RO60: variants seen among roughly 807,000 people sequenced by gnomAD.
The protein encoded by RO60 is RNA-binding protein RO60.
In RO60, 20 loss-of-function variants were observed where a neutral mutation model predicts 55.3. That is an observed-to-expected ratio of 0.36 (90% CI 0.25 to 0.53). The LOEUF is 0.53. Ranked by LOEUF, RO60 falls within the 20% of genes least tolerant of loss-of-function variation. The pLI is 0.92. For synonymous variants in RO60, 213 were observed against 213.6 expected (o/e 1.00, Z 0.02); for missense variants, 558 against 646.6 (o/e 0.86, Z 1.49).
At chr1:193,071,788 T>C (rs1673525596) in intron 2 of RO60, among the ~76,000 whole-genome samples, 1 of 148,340 alleles carries the variant, frequency 6.7e-6, no homozygotes, top group Admixed American at 6.8e-5. Context: ...ATAATGTTAG[T>C]ATATAGTATA....
At chr1:193,075,295 T>TC (rs1248629179) in intron 2 of RO60, among the ~76,000 whole-genome samples, 1 of 150,906 alleles carries the variant, frequency 6.6e-6, no homozygotes, top group Non-Finnish European at 1.5e-5. Context: ...TTTCCTTTTT[T>TC]TTTTTTTTTT....
In RO60 at chr1:193,069,413, G is replaced by A. The variant is rs374893141; in HGVS notation, c.359G>A (p.Arg120His). Residue 120 changes from arginine (R) to histidine (H), a missense_variant, in exon 2 of 9, where the codon CGC becomes CAC. Arg to His is a conservative substitution (Grantham distance 29, BLOSUM62 0). Coordinates refer to ENST00000400968, the MANE Select transcript of RO60 (RefSeq NM_001173524.2). Reference sequence around the variant, plus strand: ...TTTAAAGCTGTTTCTGAAGTTTGTCGCATTCCTACCCATCTCTTTACTTTT... The same window carrying A: ...TTTAAAGCTGTTTCTGAAGTTTGTCACATTCCTACCCATCTCTTTACTTTT... Reference protein sequence around the residue: ...AAFKAVSEVCRIPTHLFTFIQ... With the variant: ...AAFKAVSEVCHIPTHLFTFIQ... 71 of 1,613,950 alleles carry A rather than the reference G, an allele frequency of 4.4e-5. 1 individual carries two copies. The highest frequency in any genetic ancestry group is 5.4e-5 in the Non-Finnish European group (64 of 1,179,946).
chr1:193,084,847 A>G lies in RO60; in HGVS notation c.*116A>G. On this transcript the variant is annotated 3_prime_UTR_variant, in exon 9 of 9. Transcript: ENST00000400968. The stretch of plus-strand genomic sequence containing the variant: ...AATGATGATGGTATAGTATGTGCAT[A>G]ATGGAAAGTTACCTTACTGAAAAAA... The G allele has an allele frequency of 6.6e-7, 1 of 1,510,720 alleles. No homozygotes were observed. The highest frequency in any genetic ancestry group is 8.8e-7 in the Non-Finnish European group (1 of 1,136,964). The allele number at this position is 1,510,720 out of a possible 1,614,324, so 93.6% of individuals were successfully genotyped here.
intron 2 of RO60, among the ~76,000 whole-genome samples, chr1:193,073,237 C>G (rs915995695): frequency 6.6e-6 from 1 of 152,134 alleles, no homozygotes; most frequent in African/African-American, 2.4e-5. Flanking sequence ...TGATTTTGCA[C>G]CAAAATCTGG....
chr1:193,064,059 G>A (rs1672953723), intron 1 of RO60, among the ~76,000 whole-genome samples: 1 of 152,208 alleles, frequency 6.6e-6, no homozygotes, highest in Non-Finnish European at 1.5e-5. Context: ...AAGGTCTGGG[G>A]CAAGGGAAGG....
Position 193,074,364 on chromosome 1 carries a change from G to A in RO60, c.581-1456G>A, listed in dbSNP as rs1232455317. ...TTACAGTCCCACCAACAGTGTAAAA[G>A]TGTTCCTGTTTCTCCACATCCTCTC... On this transcript the variant is annotated intron_variant, in intron 2 of 8. Transcript: ENST00000400968. 5.9e-5 allele frequency among the ~76,000 whole-genome samples: 9 copies of A among 152,214 alleles called. 1 individual carries two copies. The highest frequency in any genetic ancestry group is 2.2e-4 in the African/African-American group (9 of 41,450).
chr1:193,069,223 A>G lies in RO60; in HGVS notation c.169A>G (p.Asn57Asp). The change falls in exon 2 of 9, where the codon AAT becomes GAT. Residue 57 changes from asparagine (N) to aspartate (D), a missense_variant. By Grantham distance (23) the Asn-to-Asp change is conservative (BLOSUM62 1). Coordinates refer to ENST00000400968, the MANE Select transcript of RO60 (RefSeq NM_001173524.2). ...CAAAGAACAGAAGTTGGGCCTTGAA[A>G]ATGCTGAAGCTTTAATTAGATTGAT... is the stretch of plus-strand genomic sequence containing the variant. The part of the protein sequence containing the change: ...YIKEQKLGLE[N>D]AEALIRLIED... 6.2e-7 allele frequency: 1 copy of G among 1,614,236 alleles called. No homozygotes were observed. The highest frequency in any genetic ancestry group is 8.5e-7 in the Non-Finnish European group (1 of 1,180,028).
chr1:193,083,238 CAG>C (rs1273531645), intron 8 of RO60, among the ~76,000 whole-genome samples: 6 of 152,172 alleles, frequency 3.9e-5, no homozygotes, highest in African/African-American at 1.4e-4. Context: ...CCTTTGCAAA[CAG>C]TATTTTTGGT....
At chr1:193,067,905 G>A (rs570575930) in intron 1 of RO60, among the ~76,000 whole-genome samples, 38 of 152,230 alleles carry the variant, frequency 2.5e-4, no homozygotes, top group East Asian at 1.7e-3. Context: ...CAGGTAACCC[G>A]ATATCAAGGA....
chr1:193,091,571 T>A, downstream of RO60: 2 of 1,163,264 alleles, frequency 1.7e-6, no homozygotes, highest in Non-Finnish European at 2.5e-6. Flanking sequence ...AGAGAATGAA[T>A]GAATATATTA....
intron 2 of RO60, among the ~76,000 whole-genome samples, chr1:193,072,947 CAG>C (rs1673623537): frequency 6.6e-6 from 1 of 152,190 alleles, no homozygotes; most frequent in Non-Finnish European, 1.5e-5. Context: ...TCACATTGGA[CAG>C]AGAATCCCTA....
chr1:193,059,720 T>C lies in RO60; in HGVS notation c.-78T>C, dbSNP rs756394454. 1.4e-5 allele frequency: 19 copies of C among 1,353,108 alleles called. No individual in the cohort carries two copies. In the Admixed American group the frequency reaches 3.0e-4, roughly 21 times the overall value. 83.8% of individuals were successfully genotyped at this position (1,353,108 alleles called of 1,614,324 possible). A position where few individuals can be genotyped will look rare whatever the true frequency, so the allele number is the denominator to read the frequency against. Reference sequence around the variant, plus strand: ...GCCTTCTTTTGTCGTTTCCCAGCGCTGCGCAGGACTTCTCCTGGCGGCGCT... The same window carrying C: ...GCCTTCTTTTGTCGTTTCCCAGCGCCGCGCAGGACTTCTCCTGGCGGCGCT... On this transcript the variant is annotated 5_prime_UTR_variant, in exon 1 of 9. Transcript: ENST00000400968. The surrounding 1 kb of genome is among the most constrained non-coding windows in gnomAD (Gnocchi z 4.9).
chr1:193,071,825 CATAT>C (rs1673530012), intron 2 of RO60, among the ~76,000 whole-genome samples: 1 of 140,926 alleles, frequency 7.1e-6, no homozygotes, highest in Admixed American at 7.4e-5. Context: ...TACCTATATA[CATAT>C]ATATACCTAT....
rs750208309 is a variant in RO60 at position 193,084,676 on chromosome 1, G to A, written c.1562G>A (p.Gly521Asp). Reference protein sequence around the residue: ...PDDRGMLDMCGFDTGALDVIR... With the variant: ...PDDRGMLDMCDFDTGALDVIR... ...GATAGAGGCATGTTGGATATGTGCGGCTTTGATACTGGAGCTCTGGATGTA... is the reference window on the plus strand; with the variant it reads ...GATAGAGGCATGTTGGATATGTGCGACTTTGATACTGGAGCTCTGGATGTA... The change falls in exon 9 of 9, where the codon GGC (glycine) becomes GAC (aspartate). Residue 521 changes from glycine (G) to aspartate (D), a missense_variant. Gly to Asp is a moderately conservative substitution (Grantham distance 94). Coordinates refer to ENST00000400968, the MANE Select transcript of RO60 (RefSeq NM_001173524.2). 6.2e-7 allele frequency: 1 copy of A among 1,613,724 alleles called. No homozygotes were observed. The highest frequency in any genetic ancestry group is 8.5e-7 in the Non-Finnish European group (1 of 1,179,912).
At chr1:193,066,923 T>C (rs1673148009) in intron 1 of RO60, among the ~76,000 whole-genome samples, 1 of 152,188 alleles carries the variant, frequency 6.6e-6, no homozygotes, top group Non-Finnish European at 1.5e-5. Flanking sequence ...TTGCCTTCTC[T>C]GCTCAAATCC....
chr1:193,070,470 TG>T, intron 2 of RO60: 1 of 340,860 alleles, frequency 2.9e-6, no homozygotes, highest in Non-Finnish European at 6.1e-6. Flanking sequence ...GAAAAACTCT[TG>T]GGCAGGAGTA....
rs959864589 is a variant in RO60, at chr1:193,059,747, C to T, written c.-51C>T. On this transcript the variant is annotated 5_prime_UTR_variant, in exon 1 of 9. Transcript: ENST00000400968. This position sits in a 1 kb window ranked among gnomAD's most constrained non-coding sequence, Gnocchi z 4.9. ...CGCAGGACTTCTCCTGGCGGCGCTG[C>T]GGATCCAGGGGGTCGGCTGCCAGGT... 6 of 1,354,654 alleles carry T rather than the reference C, an allele frequency of 4.4e-6. No individual in the cohort carries two copies. The highest frequency in any genetic ancestry group is 2.0e-5 in the Admixed American group (1 of 50,330). 83.9% of individuals were successfully genotyped at this position (1,354,654 alleles called of 1,614,324 possible). A position where few individuals can be genotyped will look rare whatever the true frequency, so the allele number is the denominator to read the frequency against.
intron 8 of RO60, 31 bp downstream of exon 8, chr1:193,082,739 C>A (rs1674399682): frequency 1.3e-6 from 2 of 1,523,002 alleles, no homozygotes; most frequent in Admixed American, 2.1e-5. Flanking sequence ...GTTCCTCACC[C>A]AAATAATATT....
intron 5 of RO60, among the ~76,000 whole-genome samples, chr1:193,078,965 T>G (rs1287358602): frequency 2.6e-5 from 4 of 152,126 alleles, no homozygotes; most frequent in Non-Finnish European, 5.9e-5. Context: ...CAGTAACTCT[T>G]TCAGTTACTA....
Sources: gnomAD v4.1 joint callset for allele counts (sites outside exome capture counted in the v4.1 genomes callset) on GRCh38, gnomAD v4.1.1 for gene constraint, Gnocchi (gnomAD v3.1) non-coding constraint, MANE v1.5 for transcripts, NCBI Gene and HGNC (gene_info 2026-07-23, HGNC 2026-07-21) for gene names.